The following UROS variants were observed in gnomAD, a reference collection of about 807,000 sequenced individuals.
The protein encoded by UROS is uroporphyrinogen-III synthase.
In UROS, 18 loss-of-function variants were observed where a neutral mutation model predicts 33.0. That is an observed-to-expected ratio of 0.55 (90% confidence interval 0.38 to 0.81). The LOEUF (loss-of-function observed/expected upper bound fraction) is 0.81, where lower values mean the gene tolerates loss of function less well. UROS is among the 30% of genes least tolerant of loss of function. The probability of loss-of-function intolerance (pLI) is 0.00; values close to 1 mark genes in which losing one functional copy is unlikely to be tolerated. For synonymous variants in UROS, 114 were observed against 121.1 expected (o/e 0.94, Z 0.38); for missense variants, 293 against 314.9 (o/e 0.93, Z 0.53).
At chr10:125,801,894 C>T (rs112909935) in intron 6 of UROS, among the ~76,000 whole-genome samples, 6 of 152,324 alleles carry the variant, frequency 3.9e-5, no homozygotes, top group African/African-American at 9.6e-5. Flanking sequence ...TAATGAACAA[C>T]GACTCAGAGG....
At chr10:125,805,028 A>G (rs990001719) in intron 6 of UROS, among the ~76,000 whole-genome samples, 2 of 152,182 alleles carry the variant, frequency 1.3e-5, no homozygotes, top group African/African-American at 2.4e-5. Flanking sequence ...GTGGGAAGCA[A>G]TATGGGGGGT....
chr10:125,791,413 T>G (rs1268939507), intron 9 of UROS: 4 of 152,080 alleles, frequency 2.6e-5, no homozygotes, highest in Non-Finnish European at 5.9e-5. Context: ...ACAACCACTT[T>G]GGAAAATAGC....
intron 7 of UROS, 103 bp from the exon 8 acceptor site, chr10:125,796,291 C>G: frequency 8.6e-7 from 1 of 1,164,442 alleles, no homozygotes; most frequent in Non-Finnish European, 1.3e-6. Flanking sequence ...TACAGCACCA[C>G]CCTCCTGGAA....
At chr10:125,807,548 G>T in intron 5 of UROS, 61 bp from the exon 6 acceptor site, 1 of 1,395,524 alleles carries the variant, frequency 7.2e-7, no homozygotes. Flanking sequence ...TTGTTCCAGC[G>T]TTATTTTTTA....
intron 6 of UROS, among the ~76,000 whole-genome samples, chr10:125,804,510 C>T (rs1415923827): frequency 2.6e-5 from 4 of 152,276 alleles, no homozygotes; most frequent in Admixed American, 6.5e-5. Flanking sequence ...AGTAGGGAGT[C>T]GTGAGAACTC....
chr10:125,786,845 A>G (rs560145514), downstream of UROS, among the ~76,000 whole-genome samples: 41 of 152,294 alleles, frequency 2.7e-4, no homozygotes, highest in African/African-American at 9.9e-4. Context: ...TGTCCCACCA[A>G]TACCTTCAGA....
chr10:125,814,042 A>G (rs993631755), intron 4 of UROS, among the ~76,000 whole-genome samples: 1 of 152,094 alleles, frequency 6.6e-6, no homozygotes, highest in African/African-American at 2.4e-5. Context: ...AAAGTTCCAT[A>G]CCCTTTGTTC....
chr10:125,798,079 G>C lies in UROS; in HGVS notation c.461C>G (p.Ala154Gly). The C allele has an allele frequency of 6.2e-7, 1 of 1,614,028 alleles. No individual in the cohort carries two copies. Among genetic ancestry groups the C allele is most frequent in the Non-Finnish European group, 8.5e-7 (1 of 1,179,882 alleles). Reference sequence around the variant, plus strand: ...ATTCTACTCGCCTTTGTCCTTGAGCGCTTTTGGCAGGATTTCTCTTTTGAG... The same window carrying C: ...ATTCTACTCGCCTTTGTCCTTGAGCCCTTTTGGCAGGATTTCTCTTTTGAG... ...GNLKREILPK[A>G]LKDKGIAMES... Residue 154 changes from alanine to glycine, a missense_variant, in exon 7 of 10, where the codon GCG becomes GGG. Ala to Gly is a moderately conservative substitution (Grantham distance 60). Coordinates refer to ENST00000368797, the MANE Select transcript of UROS (RefSeq NM_000375.3).
chr10:125,794,214 C>A (rs1353830695), intron 9 of UROS: 11 of 458,544 alleles, frequency 2.4e-5, no homozygotes, highest in Non-Finnish European at 2.6e-5. Context: ...GCCCCGTGCT[C>A]CATCTTTAAA....
chr10:125,794,772 G>T, intron 9 of UROS, 108 bp downstream of exon 9: 2 of 1,088,922 alleles, frequency 1.8e-6, no homozygotes, highest in Non-Finnish European at 2.6e-6. Context: ...TAAGGCACCT[G>T]CTAGGCCAGG....
At chr10:125,794,283 C>T (rs1028110259) in intron 9 of UROS, 3 of 978,448 alleles carry the variant, frequency 3.1e-6, no homozygotes, top group Non-Finnish European at 2.4e-6. Flanking sequence ...GCAGGTGAAG[C>T]CTTTTGCTCT....
At chr10:125,816,740 T>TG in intron 1 of UROS, 1 of 590,448 alleles carries the variant, frequency 1.7e-6, no homozygotes, top group Non-Finnish European at 3.0e-6. Context: ...TTGATATCAC[T>TG]TGGAAAGACA....
chr10:125,790,049 T>C (rs1347470321), intron 9 of UROS, among the ~76,000 whole-genome samples: 4 of 152,168 alleles, frequency 2.6e-5, no homozygotes, highest in South Asian at 4.1e-4. Flanking sequence ...GGCCAGGTGG[T>C]AGTGGAGGTA....
At chr10:125,786,658 G>T (rs1850640470), downstream of UROS, among the ~76,000 whole-genome samples, 1 of 152,174 alleles carries the variant, frequency 6.6e-6, no homozygotes, top group African/African-American at 2.4e-5. Context: ...TATCTTTGAA[G>T]AAAAGCCTTA....
chr10:125,789,400 C>G (rs1442220261), intron 9 of UROS: 8 of 1,136,646 alleles, frequency 7.0e-6, no homozygotes. Context: ...GGGGCAGTGA[C>G]TGAATCCCCA....
At chr10:125,788,402 T>C (rs1438551860), downstream of UROS, among the ~76,000 whole-genome samples, 1 of 152,192 alleles carries the variant, frequency 6.6e-6, no homozygotes, top group African/African-American at 2.4e-5. Flanking sequence ...TGAACCACAG[T>C]TGTCCATGGC....
chr10:125,817,361 C>T (rs1171464220), intron 1 of UROS, among the ~76,000 whole-genome samples: 2 of 150,692 alleles, frequency 1.3e-5, no homozygotes, highest in Non-Finnish European at 2.9e-5. Context: ...AGCCACTGCA[C>T]CCAGCCTTAT....
chr10:125,822,306 C>T (rs1288176393), intron 1 of UROS, among the ~76,000 whole-genome samples: 1 of 147,678 alleles, frequency 6.8e-6, no homozygotes, highest in Non-Finnish European at 1.5e-5. Context: ...GACTACCCCA[C>T]TGGCCCCGAA....
Position 125,802,061 on chromosome 10 carries a change from G to A in UROS, c.395-3916C>T, listed in dbSNP as rs191155742. 68 of 985,412 alleles carry A rather than the reference G, an allele frequency of 6.9e-5. No homozygotes were observed. The East Asian group carries it at 2.2e-3, about 31-fold the overall frequency. 61.0% of individuals were successfully genotyped at this position (985,412 alleles called of 1,614,324 possible). A position where few individuals can be genotyped will look rare whatever the true frequency, so the allele number is the denominator to read the frequency against. On this transcript the variant is annotated intron_variant, in intron 6 of 9. Coordinates refer to ENST00000368797, the MANE Select transcript of UROS (RefSeq NM_000375.3). ...AACTTAATCCCACAAGCAATGTCAA[G>A]ATCTACCATTTACATTTATTTCTAC...
Sources: gnomAD v4.1 joint callset for allele counts (sites outside exome capture counted in the v4.1 genomes callset) on GRCh38, gnomAD v4.1.1 for gene constraint, MANE v1.5 for transcripts, NCBI Gene and HGNC (gene_info 2026-07-23, HGNC 2026-07-21) for gene names.